Variants in C10orf90 observed in about 807,000 individuals in gnomAD.
C10orf90 encodes the protein (E2-independent) E3 ubiquitin-conjugating enzyme FATS.
C10orf90 carries 56 observed loss-of-function variants against 62.5 expected under a neutral mutation model. The observed-to-expected ratio is 0.90, with a 90% CI of 0.72 to 1.12. C10orf90 has a LOEUF of 1.12. Ranked by LOEUF, C10orf90 falls within the 50% of genes most tolerant of loss-of-function variation. The pLI is 0.00. For synonymous variants in C10orf90, 386 were observed against 340.4 expected, an observed-to-expected ratio of 1.13 and a Z score of -1.47; for missense variants, 970 against 880.4, an observed-to-expected ratio of 1.10 and a Z score of -1.29.
chr10:126,630,424 G>A (rs1458220318), intron 2 of C10orf90, among the ~76,000 whole-genome samples: 3 of 152,146 alleles, frequency 2.0e-5, no homozygotes, highest in Non-Finnish European at 4.4e-5. Context: ...GCCCAGGCAG[G>A]GCTCTGAGAA....
At position 126,467,602 on chromosome 10, in the gene C10orf90, C is replaced by T. The variant is rs559449341; in HGVS notation, c.1535-2616G>A. On this transcript the variant is annotated intron_variant, in intron 4 of 9. Transcript: ENST00000488181. ...TCACTGGACGGGCGCTTAAAGCCCC[C>T]GTCCTGAGTCTGACACATGGAGAGG... Among the ~76,000 whole-genome samples, 7 of 152,206 alleles carry T rather than the reference C, an allele frequency of 4.6e-5. No homozygotes were observed. In the East Asian group the frequency reaches 9.7e-4, roughly 21 times the overall value.
At position 126,642,389 on chromosome 10, in the gene C10orf90, G is replaced by A. The variant is rs560808445; in HGVS notation, c.313+4176C>T. On this transcript the variant is annotated intron_variant, in intron 2 of 9. Coordinates refer to ENST00000488181, the MANE Select transcript of C10orf90 (RefSeq NM_001350921.2). ...CTACTAAAAATACAAAAAATTAGCC[G>A]GGCGTGGTGGCGGGCGCCTGTAGTC... is the stretch of plus-strand genomic sequence containing the variant. 1.1e-3 allele frequency among the ~76,000 whole-genome samples: 165 copies of A among 152,100 alleles called. 1 individual carries two copies. The highest frequency in any genetic ancestry group is 3.4e-3 in the Middle Eastern group (1 of 294).
intron 2 of C10orf90, among the ~76,000 whole-genome samples, chr10:126,593,556 G>A (rs796326788): frequency 9.9e-5 from 15 of 152,206 alleles, no homozygotes; most frequent in African/African-American, 3.6e-4. Context: ...AAAGAGGCAT[G>A]GGGGAGGGAG....
At chr10:126,543,641 G>A (rs759962256) in intron 2 of C10orf90, among the ~76,000 whole-genome samples, 9 of 152,152 alleles carry the variant, frequency 5.9e-5, no homozygotes, top group Non-Finnish European at 1.2e-4. Flanking sequence ...GAGACAAACA[G>A]CTAATATGCT....
At chr10:126,639,752 A>C (rs1846023216) in intron 2 of C10orf90, among the ~76,000 whole-genome samples, 1 of 152,250 alleles carries the variant, frequency 6.6e-6, no homozygotes, top group Non-Finnish European at 1.5e-5. Flanking sequence ...TAGACTGCGA[A>C]ATCTGCAGTT....
In C10orf90 at chr10:126,613,459, T is replaced by G. The variant is rs367785863; in HGVS notation, c.313+33106A>C. On this transcript the variant is annotated intron_variant, in intron 2 of 9. Transcript: ENST00000488181. Reference sequence around the variant, plus strand: ...CAAGGTCTGACTATATTGCCCAGGCTTGTCTCAAACTCCTGGCCTCAAGCA... The same window carrying G: ...CAAGGTCTGACTATATTGCCCAGGCGTGTCTCAAACTCCTGGCCTCAAGCA... Among the ~76,000 whole-genome samples, 8 of 152,266 alleles carry G rather than the reference T, an allele frequency of 5.3e-5. No individual in the cohort carries two copies. In the South Asian group the frequency reaches 1.2e-3, roughly 24 times the overall value.
intron 4 of C10orf90, among the ~76,000 whole-genome samples, chr10:126,490,060 TA>T (rs1861670696): frequency 8.3e-6 from 1 of 120,248 alleles, no homozygotes; most frequent in African/African-American, 3.2e-5. Context: ...TTATGTTATA[TA>T]ATATATAATA....
chr10:126,524,073 G>A (rs1375246587), intron 2 of C10orf90, among the ~76,000 whole-genome samples: 3 of 152,056 alleles, frequency 2.0e-5, no homozygotes, highest in Non-Finnish European at 4.4e-5. Context: ...TCCTTCTTAA[G>A]AATTGTCTTT....
chr10:126,652,016 T>C (rs1310882036), intron 1 of C10orf90, among the ~76,000 whole-genome samples: 2 of 152,172 alleles, frequency 1.3e-5, no homozygotes, highest in East Asian at 3.9e-4. Context: ...GTATGATAGG[T>C]ACTCTCTACC....
rs547925635 is a variant in C10orf90 at position 126,538,598 on chromosome 10, A to G, written c.314-24659T>C. Among the ~76,000 whole-genome samples, 52 of 152,348 alleles carry G rather than the reference A, an allele frequency of 3.4e-4. No homozygotes were observed. In the South Asian group the frequency reaches 4.6e-3, roughly 13 times the overall value. ...GTTTACCACTTGCCACGTGTTGTTA[A>G]TAGGTGTATCCTTTCCCCTTCTCCT... On this transcript the variant is annotated intron_variant, in intron 2 of 9. Transcript: ENST00000488181.
intron 4 of C10orf90, among the ~76,000 whole-genome samples, chr10:126,490,131 G>A (rs1326220123): frequency 5.9e-5 from 7 of 119,526 alleles, no homozygotes; most frequent in Admixed American, 3.6e-4. Context: ...TTAATTATAT[G>A]TATATTATAT....
Position 126,496,759 on chromosome 10 carries a change from GCA to G in C10orf90, c.1534+7196_1534+7197del, listed in dbSNP as rs1225204415. The G allele has an allele frequency of 4.2e-6, 4 of 957,724 alleles. No homozygotes were observed. In the East Asian group the frequency reaches 4.6e-4, roughly 110 times the overall value. 59.3% of individuals were successfully genotyped at this position (957,724 alleles called of 1,614,324 possible). ...TAGTTTGAGGAAGGAAACACATCAA[GCA>G]CTTAAGGGATCGTGACATAAGCATG... On this transcript the variant is annotated intron_variant, in intron 4 of 9. Transcript: ENST00000488181.
intron 4 of C10orf90, among the ~76,000 whole-genome samples, chr10:126,467,888 G>T (rs1299264729): frequency 1.3e-5 from 2 of 152,082 alleles, no homozygotes; most frequent in Non-Finnish European, 2.9e-5. Context: ...TTAAGAATTG[G>T]AATATTTCCT....
chr10:126,428,494 C>T (rs991122906), intron 8 of C10orf90, among the ~76,000 whole-genome samples: 8 of 152,152 alleles, frequency 5.3e-5, no homozygotes, highest in African/African-American at 1.7e-4. Context: ...GAGCAGAGTG[C>T]AAACCCAGCT....
intron 7 of C10orf90, among the ~76,000 whole-genome samples, chr10:126,444,220 G>A (rs997604315): frequency 2.8e-4 from 43 of 152,158 alleles, no homozygotes; most frequent in African/African-American, 9.6e-4. Flanking sequence ...TCAGTAAACA[G>A]GAGGTCAAAC....
At position 126,605,313 on chromosome 10, in the gene C10orf90, C is replaced by A. The variant is rs114459879; in HGVS notation, c.313+41252G>T. Among the ~76,000 whole-genome samples, 710 of 152,320 alleles carry A rather than the reference C, an allele frequency of 4.7e-3. 7 individuals carry two copies. Among genetic ancestry groups the A allele is most frequent in the African/African-American group, 0.016 (683 of 41,580 alleles). ...TGACTCCAGCGCTCTCCTCTCCCGA[C>A]CCCAATGCAAGCACAGGGCCCTCGT... On this transcript the variant is annotated intron_variant, in intron 2 of 9. Transcript: ENST00000488181.
intron 2 of C10orf90, among the ~76,000 whole-genome samples, chr10:126,611,192 C>G (rs967811944): frequency 3.9e-5 from 6 of 152,168 alleles, no homozygotes; most frequent in Admixed American, 3.3e-4. Flanking sequence ...CATCTACTTT[C>G]TGGCTCTATG....
At position 126,512,850 on chromosome 10, in the gene C10orf90, C is replaced by T. The variant is rs1310541678; in HGVS notation, c.405+998G>A. 2.6e-5 allele frequency among the ~76,000 whole-genome samples: 4 copies of T among 152,298 alleles called. No homozygotes were observed. The South Asian group carries it at 6.2e-4, about 24-fold the overall frequency. Reference sequence around the variant, plus strand: ...TATTGATGAGTAAATCTCAGGACCCCAAATAACTTCCTTTCTCCATCTTGT... The same window carrying T: ...TATTGATGAGTAAATCTCAGGACCCTAAATAACTTCCTTTCTCCATCTTGT... On this transcript the variant is annotated intron_variant, in intron 3 of 9. Transcript: ENST00000488181.
At chr10:126,560,264 G>C (rs571032014) in intron 2 of C10orf90, among the ~76,000 whole-genome samples, 1 of 152,166 alleles carries the variant, frequency 6.6e-6, no homozygotes, top group Admixed American at 6.5e-5. Flanking sequence ...CCAGTGATCC[G>C]AGTCTTCATT....
Sources: gnomAD v4.1 joint callset for allele counts (sites outside exome capture counted in the v4.1 genomes callset) on GRCh38, gnomAD v4.1.1 for gene constraint, MANE v1.5 for transcripts, NCBI Gene and HGNC (gene_info 2026-07-23, HGNC 2026-07-21) for gene names.